The following SHTN1 variants were observed in gnomAD, a reference collection of about 807,000 sequenced individuals.
SHTN1 encodes shootin-1.
In SHTN1, 42 loss-of-function variants were observed where a neutral mutation model predicts 83.1. That is an observed-to-expected ratio of 0.51 (90% CI 0.39 to 0.65). SHTN1 has a LOEUF of 0.65. Among genes scored for constraint, SHTN1 ranks in the 30% least tolerant of loss-of-function variants. SHTN1 has a pLI of 0.00. For missense variants in SHTN1, 622 were observed against 737.8 expected (o/e 0.84, Z 1.82); for synonymous variants, 224 against 247.7 (o/e 0.90, Z 0.90).
intron 1 of SHTN1, among the ~76,000 whole-genome samples, chr10:117,123,500 TAA>T (rs893184044): frequency 1.4e-4 from 22 of 152,266 alleles, no homozygotes; most frequent in Middle Eastern, 3.4e-3. Context: ...AATAATGACA[TAA>T]GTGACCCCTG....
At chr10:117,044,286 TTAA>T (rs1352260058) in intron 2 of SHTN1, among the ~76,000 whole-genome samples, 1 of 78,336 alleles carries the variant, frequency 1.3e-5, no homozygotes, top group Admixed American at 1.3e-4. Context: ...TCTGTTTTAC[TTAA>T]CAATATATCT....
At chr10:117,018,525 G>C (rs2420306) in intron 2 of SHTN1, among the ~76,000 whole-genome samples, 138,412 of 140,996 alleles carry the variant, frequency 0.98, 67,994 homozygotes, top group Middle Eastern at 1. Flanking sequence ...AAAAAAAAAG[G>C]AAAATATTTT....
In SHTN1 at chr10:116,921,514, G is replaced by T; in HGVS notation, c.1115C>A (p.Ser372Tyr). 1 of 1,610,828 alleles carries T rather than the reference G, an allele frequency of 6.2e-7. No homozygotes were observed. The highest frequency in any genetic ancestry group is 8.5e-7 in the Non-Finnish European group (1 of 1,178,674). ...TCGTTTCCGGATCATGGACATGAGG[G>T]ATCTTTGGGAGAAAGAAAAAGATCA... is the stretch of plus-strand genomic sequence containing the variant. ...LPPPPPNPIR[S>Y]LMSMIRKRSH... The change falls in exon 12 of 17, where the codon TCC becomes TAC. Residue 372 changes from serine to tyrosine, a missense_variant and splice_region_variant. By Grantham distance (144) the Ser-to-Tyr change is moderately radical. Around this residue, in one of 3 missense-constraint regions of SHTN1, gnomAD observed 383 missense variants for 455.8 expected, o/e 0.84. Transcript: ENST00000355371.
chr10:117,106,473 C>T (rs903153688), intron 1 of SHTN1, among the ~76,000 whole-genome samples: 1 of 152,038 alleles, frequency 6.6e-6, no homozygotes, highest in South Asian at 2.1e-4. Flanking sequence ...TAAATAATAA[C>T]AAAACAGCTC....
intron 1 of SHTN1, among the ~76,000 whole-genome samples, chr10:117,050,117 A>G (rs1852719677): frequency 6.6e-6 from 1 of 152,148 alleles, no homozygotes; most frequent in Non-Finnish European, 1.5e-5. Context: ...GCTTGAGCCC[A>G]GGAGTTCAAG....
At chr10:116,984,186 A>G (rs2133493731) in intron 1 of SHTN1, among the ~76,000 whole-genome samples, 1 of 152,326 alleles carries the variant, frequency 6.6e-6, no homozygotes, top group East Asian at 1.9e-4. Flanking sequence ...CTCTTTCCAG[A>G]CCAGTATTTC....
chr10:116,969,129 T>C (rs749751972), intron 2 of SHTN1, among the ~76,000 whole-genome samples: 7 of 152,070 alleles, frequency 4.6e-5, no homozygotes, highest in South Asian at 2.1e-4. Flanking sequence ...TGGGAGGTAA[T>C]GGAAAGACTA....
chr10:116,911,067 G>C (rs573869163), intron 14 of SHTN1, among the ~76,000 whole-genome samples: 30 of 152,312 alleles, frequency 2.0e-4, no homozygotes, highest in South Asian at 4.1e-4. Context: ...GACTTACTGT[G>C]CATAATAACT....
chr10:117,047,584 C>G (rs1852683553), intron 2 of SHTN1, among the ~76,000 whole-genome samples: 1 of 151,948 alleles, frequency 6.6e-6, no homozygotes, highest in African/African-American at 2.4e-5. Context: ...TTCTCAGATA[C>G]AGTAGTTGAG....
Position 117,048,774 on chromosome 10 carries a change from C to T in SHTN1, c.-188-264G>A, listed in dbSNP as rs192846920. Among the ~76,000 whole-genome samples the T allele has an allele frequency of 6.6e-4, 100 of 152,250 alleles. No homozygotes were observed. In the Middle Eastern group the frequency reaches 0.01, roughly 16 times the overall value. On this transcript the variant is annotated intron_variant, in intron 1 of 17. Coordinates refer to the SHTN1 transcript ENST00000392901. ...TTACTGTAAACCTAACACATGCATG[C>T]CAGGTAATACCCAGCCATTAGCACT...
chr10:117,012,660 CAA>C (rs1852124377), intron 2 of SHTN1, among the ~76,000 whole-genome samples: 1 of 151,758 alleles, frequency 6.6e-6, no homozygotes, highest in African/African-American at 2.4e-5. Flanking sequence ...AAATGAGACA[CAA>C]GAGAAAAAAC....
intron 1 of SHTN1, among the ~76,000 whole-genome samples, chr10:117,095,997 G>C (rs761878623): frequency 2.0e-5 from 3 of 152,150 alleles, no homozygotes; most frequent in Non-Finnish European, 4.4e-5. Context: ...ATAAAAGCAG[G>C]TTCCATTGCA....
chr10:116,979,237 A>G lies in SHTN1; in HGVS notation c.111+19T>C. ...TTTTACACATGTAAGAAAGGGGAAA[A>G]AAAAGGTAAAGTACAAACCTTCTCC... On this transcript the variant is annotated intron_variant, in intron 2 of 16. Coordinates refer to ENST00000355371, the MANE Select transcript of SHTN1 (RefSeq NM_001127211.3). 6.2e-7 allele frequency: 1 copy of G among 1,609,994 alleles called. No homozygotes were observed. The highest frequency in any genetic ancestry group is 8.5e-7 in the Non-Finnish European group (1 of 1,176,298).
intron 1 of SHTN1, among the ~76,000 whole-genome samples, chr10:117,087,781 A>AT (rs1853371338): frequency 6.6e-6 from 1 of 152,188 alleles, no homozygotes; most frequent in Admixed American, 6.5e-5. Context: ...ATCAGAGAAT[A>AT]TTTTTTGCAA....
At chr10:116,895,241 G>T (rs758631039) in intron 16 of SHTN1, among the ~76,000 whole-genome samples, 1 of 151,966 alleles carries the variant, frequency 6.6e-6, no homozygotes, top group South Asian at 2.1e-4. Context: ...TGACTTCTGG[G>T]AAAAAACTAT....
chr10:116,914,298 C>G (rs535971796), intron 13 of SHTN1, among the ~76,000 whole-genome samples: 1 of 152,128 alleles, frequency 6.6e-6, no homozygotes, highest in Admixed American at 6.6e-5. Context: ...ACGGTGAAAC[C>G]CTGTCTTTAC....
chr10:116,990,908 C>T (rs560536627), intron 1 of SHTN1, among the ~76,000 whole-genome samples: 2 of 152,156 alleles, frequency 1.3e-5, no homozygotes, highest in East Asian at 3.9e-4. Context: ...TGGTTTTGGC[C>T]GGGCGCAGTG....
At chr10:117,026,637 G>C (rs1478240985) in intron 2 of SHTN1, among the ~76,000 whole-genome samples, 1 of 152,148 alleles carries the variant, frequency 6.6e-6, no homozygotes, top group African/African-American at 2.4e-5. Context: ...GGTCAGGCTG[G>C]TGTCAATCTC....
chr10:116,894,633 C>T (rs191053713), intron 16 of SHTN1, among the ~76,000 whole-genome samples: 152 of 152,222 alleles, frequency 1.0e-3, no homozygotes, highest in Non-Finnish European at 1.5e-3. Flanking sequence ...AACAGGAGTT[C>T]CCTTTCGAAG....
Sources: gnomAD v4.1 joint callset for allele counts (sites outside exome capture counted in the v4.1 genomes callset) on GRCh38, gnomAD v4.1.1 for gene constraint, gnomAD v4.1.1 regional missense constraint, MANE v1.5 for transcripts, NCBI Gene and HGNC (gene_info 2026-07-23, HGNC 2026-07-21) for gene names.